The following TMEM132C variants were observed in gnomAD, a reference collection of about 807,000 sequenced individuals.
TMEM132C encodes transmembrane protein 132C, also known as protein phosphatase 1, regulatory subunit 152.
TMEM132C carries 29 observed loss-of-function variants against 61.4 expected under a neutral mutation model. That is an observed-to-expected ratio of 0.47 (90% CI 0.35 to 0.64). The LOEUF is 0.64. TMEM132C is among the 30% of genes least tolerant of loss of function. The probability of loss-of-function intolerance (pLI) is 0.00; values close to 1 mark genes in which losing one functional copy is unlikely to be tolerated. For synonymous variants in TMEM132C, 656 were observed against 633.1 expected (o/e 1.04, Z -0.54); for missense variants, 1,408 against 1,476.9 (o/e 0.95, Z 0.76).
intron 1 of TMEM132C, among the ~76,000 whole-genome samples, chr12:128,365,340 G>A (rs1269708264): frequency 6.6e-6 from 1 of 152,168 alleles, no homozygotes; most frequent in Non-Finnish European, 1.5e-5. Flanking sequence ...AGCTTGGTGT[G>A]AGTACTCAGG....
In TMEM132C at chr12:128,706,006, T is replaced by G; in HGVS notation, c.3038T>G (p.Leu1013Arg). Residue 1013 changes from leucine (L) to arginine (R), a missense_variant, in exon 9 of 9, where the codon CTC becomes CGC. By Grantham distance (102) the Leu-to-Arg change is moderately radical (BLOSUM62 -2). Coordinates refer to ENST00000435159, the MANE Select transcript of TMEM132C (RefSeq NM_001136103.3). ...GACEESNHLLLNGGSHKHVQS... is the reference protein window; with the variant it reads ...GACEESNHLLRNGGSHKHVQS... ...TGCGAGGAGAGCAACCATCTCCTGCTCAATGGTGGCTCCCACAAGCACGTG... is the reference window on the plus strand; with the variant it reads ...TGCGAGGAGAGCAACCATCTCCTGCGCAATGGTGGCTCCCACAAGCACGTG... 6.4e-7 allele frequency: 1 copy of G among 1,551,602 alleles called. No homozygotes were observed.
chr12:128,457,539 G>A (rs554239079), intron 2 of TMEM132C, among the ~76,000 whole-genome samples: 6 of 149,822 alleles, frequency 4.0e-5, no homozygotes, highest in African/African-American at 1.5e-4. Context: ...TCGCGCCACT[G>A]CACTCCAGCC....
chr12:128,441,637 A>G (rs534689046), intron 2 of TMEM132C, among the ~76,000 whole-genome samples: 1 of 152,310 alleles, frequency 6.6e-6, no homozygotes, highest in East Asian at 1.9e-4. Flanking sequence ...GTGAAACACT[A>G]GACATTTGGT....
chr12:128,414,381 G>A (rs1186358023), intron 1 of TMEM132C, among the ~76,000 whole-genome samples: 1 of 152,116 alleles, frequency 6.6e-6, no homozygotes, highest in African/African-American at 2.4e-5. Context: ...GTGCCATTAA[G>A]TACATTTTAA....
At chr12:128,663,095 A>T (rs147192473) in intron 4 of TMEM132C, among the ~76,000 whole-genome samples, 80 of 152,258 alleles carry the variant, frequency 5.3e-4, no homozygotes, top group Non-Finnish European at 8.4e-4. Context: ...TTTTATAGAG[A>T]TATAATTCTC....
intron 2 of TMEM132C, among the ~76,000 whole-genome samples, chr12:128,439,849 G>GA (rs1426680343): frequency 6.6e-6 from 1 of 152,190 alleles, no homozygotes; most frequent in Non-Finnish European, 1.5e-5. Context: ...TGGAGCAGCA[G>GA]AATGAGTGAT....
rs569972657 is a variant in TMEM132C at position 128,459,017 on chromosome 12, A to C, written c.974+43397A>C. Among the ~76,000 whole-genome samples, 10 of 152,306 alleles carry C rather than the reference A, an allele frequency of 6.6e-5. No homozygotes were observed. The South Asian group carries it at 1.9e-3, about 28-fold the overall frequency. On this transcript the variant is annotated intron_variant, in intron 2 of 8. Transcript: ENST00000435159. ...AAATTGAGGGTAAATCATTGAGACC[A>C]CTGGAAGTCTGCAGTACAAGAGGTT...
Position 128,707,440 on chromosome 12 carries a change from C to T in TMEM132C, c.*1145C>T, listed in dbSNP as rs1304710247. ...TTTGGAGGGTTTTTGAGTTGTTTTT[C>T]TTATGTTGTTGGGTGGGGTATACCA... On this transcript the variant is annotated 3_prime_UTR_variant, in exon 9 of 9. Transcript: ENST00000435159. The T allele has an allele frequency of 6.6e-6, 1 of 152,106 alleles. No homozygotes were observed. The highest frequency in any genetic ancestry group is 1.9e-4 in the East Asian group (1 of 5,190). The allele number at this position is 152,106 out of a possible 1,614,324, so 9.4% of individuals were successfully genotyped here. A position where few individuals can be genotyped will look rare whatever the true frequency, so the allele number is the denominator to read the frequency against.
intron 2 of TMEM132C, among the ~76,000 whole-genome samples, chr12:128,493,455 C>G (rs1032024228): frequency 2.0e-5 from 3 of 152,182 alleles, no homozygotes; most frequent in African/African-American, 7.2e-5. Context: ...TGGCCATTTT[C>G]ACAGTATTGA....
At chr12:128,328,712 G>A (rs1277124065) in intron 1 of TMEM132C, among the ~76,000 whole-genome samples, 12 of 150,974 alleles carry the variant, frequency 7.9e-5, no homozygotes, top group African/African-American at 2.4e-4. Flanking sequence ...GCTTGAACCC[G>A]GGAGGTGGAG....
At position 128,687,095 on chromosome 12, in the gene TMEM132C, G is replaced by A. The variant is rs1324270943; in HGVS notation, c.1450-6734G>A. ...TGCATGCCTGTAGTCCCAGCTACCCGGGAGGCTGAGGCAGGGGAATCACTT... is the reference window on the plus strand; with the variant it reads ...TGCATGCCTGTAGTCCCAGCTACCCAGGAGGCTGAGGCAGGGGAATCACTT... On this transcript the variant is annotated intron_variant, in intron 5 of 8. Coordinates refer to ENST00000435159, the MANE Select transcript of TMEM132C (RefSeq NM_001136103.3). Among the ~76,000 whole-genome samples, 9 of 151,900 alleles carry A rather than the reference G, an allele frequency of 5.9e-5. 2 individuals carry two copies. Among genetic ancestry groups the A allele is most frequent in the Admixed American group, 4.6e-4 (7 of 15,258 alleles).
intron 2 of TMEM132C, among the ~76,000 whole-genome samples, chr12:128,515,627 A>G (rs1872693264): frequency 6.6e-6 from 1 of 152,178 alleles, no homozygotes; most frequent in Non-Finnish European, 1.5e-5. Context: ...AGGTCAGGAT[A>G]TCGAGACCGT....
At chr12:128,416,074 A>G (rs774617788) in intron 2 of TMEM132C, among the ~76,000 whole-genome samples, 1 of 151,922 alleles carries the variant, frequency 6.6e-6, no homozygotes, top group Non-Finnish European at 1.5e-5. Flanking sequence ...CCTTTTTTTT[A>G]ATTAGGTGGT....
At chr12:128,651,112 C>T (rs920505041) in intron 4 of TMEM132C, among the ~76,000 whole-genome samples, 26 of 152,190 alleles carry the variant, frequency 1.7e-4, no homozygotes, top group Non-Finnish European at 2.9e-4. Context: ...CAAAATTTAG[C>T]CCCATCCTTC....
intron 2 of TMEM132C, among the ~76,000 whole-genome samples, chr12:128,537,095 G>C (rs1463918852): frequency 6.6e-6 from 1 of 152,202 alleles, no homozygotes; most frequent in Non-Finnish European, 1.5e-5. Flanking sequence ...GCCCTTTCAT[G>C]GGTCCCATGT....
chr12:128,375,532 C>T (rs186734328), intron 1 of TMEM132C, among the ~76,000 whole-genome samples: 11 of 152,234 alleles, frequency 7.2e-5, no homozygotes, highest in African/African-American at 2.6e-4. Context: ...TGTGTCTGTG[C>T]ATCTCAAATA....
At chr12:128,518,065 A>G (rs1358886176) in intron 2 of TMEM132C, among the ~76,000 whole-genome samples, 3 of 152,224 alleles carry the variant, frequency 2.0e-5, no homozygotes, top group Non-Finnish European at 4.4e-5. Context: ...AAGCATGGTT[A>G]AGCTCCAGCC....
intron 3 of TMEM132C, among the ~76,000 whole-genome samples, chr12:128,580,091 A>G (rs1237889032): frequency 6.6e-6 from 1 of 152,190 alleles, no homozygotes; most frequent in Admixed American, 6.5e-5. Context: ...GGGTCAGACA[A>G]CGTAATCTCT....
intron 2 of TMEM132C, among the ~76,000 whole-genome samples, chr12:128,510,120 G>A (rs931996608): frequency 6.6e-6 from 1 of 152,198 alleles, no homozygotes; most frequent in Non-Finnish European, 1.5e-5. Context: ...ATCCCAACAG[G>A]TCCAGGGGAT....
Sources: allele counts gnomAD v4.1 joint callset (sites outside exome capture counted in the v4.1 genomes callset), GRCh38; gene constraint gnomAD v4.1.1; transcripts MANE v1.5; gene names NCBI Gene and HGNC (gene_info 2026-07-23, HGNC 2026-07-21).